Variants in RNF150 observed in about 807,000 individuals in gnomAD.
The protein encoded by RNF150 is ring finger protein 150.
In RNF150, 24 loss-of-function variants were observed where a neutral mutation model predicts 39.3. The ratio of observed to expected loss-of-function variants is 0.61; its 90% confidence interval spans 0.44 to 0.86. The LOEUF is 0.86. Among genes scored for constraint, RNF150 ranks in the 40% least tolerant of loss-of-function variants. The probability of loss-of-function intolerance (pLI) is 0.00; values close to 1 mark genes in which losing one functional copy is unlikely to be tolerated. For missense variants in RNF150, 502 were observed against 587.8 expected, an observed-to-expected ratio of 0.85 and a Z score of 1.51; for synonymous variants, 255 against 227.3, an observed-to-expected ratio of 1.12 and a Z score of -1.10.
At chr4:140,957,197 G>A (rs201221325) in intron 2 of RNF150, among the ~76,000 whole-genome samples, 19 of 152,072 alleles carry the variant, frequency 1.2e-4, no homozygotes, top group African/African-American at 3.4e-4. Context: ...ATGAACTCAA[G>A]CAAATTTACA....
intron 1 of RNF150, among the ~76,000 whole-genome samples, chr4:141,161,018 T>C (rs1460275867): frequency 6.6e-6 from 1 of 152,060 alleles, no homozygotes; most frequent in African/African-American, 2.4e-5. Context: ...AACTTTGAAA[T>C]TGAGTAATGA....
chr4:141,096,190 C>CTTTTTTTTTTTTTTTTTTTT, intron 1 of RNF150, among the ~76,000 whole-genome samples: 1 of 67,970 alleles, frequency 1.5e-5, no homozygotes, highest in Non-Finnish European at 2.5e-5. Flanking sequence ...TTTTAGCTTT[C>CTTTTTTTTTTTTTTTTTTTT]TTTTTTTTTT....
intron 1 of RNF150, among the ~76,000 whole-genome samples, chr4:141,204,080 G>T (rs1425601990): frequency 6.6e-6 from 1 of 152,020 alleles, no homozygotes; most frequent in Non-Finnish European, 1.5e-5. Context: ...GAAATTTCCT[G>T]GTTTTAAAGG....
At chr4:141,202,842 A>G (rs977451710) in intron 1 of RNF150, among the ~76,000 whole-genome samples, 2 of 151,900 alleles carry the variant, frequency 1.3e-5, no homozygotes, top group Non-Finnish European at 2.9e-5. Flanking sequence ...TTAACAAACA[A>G]TATTTTACTC....
intron 2 of RNF150, among the ~76,000 whole-genome samples, chr4:140,953,488 A>G (rs1578999056): frequency 6.6e-6 from 1 of 151,470 alleles, no homozygotes; most frequent in East Asian, 1.9e-4. Flanking sequence ...AGCTTCTGAG[A>G]TGTATATGAT....
intron 1 of RNF150, among the ~76,000 whole-genome samples, chr4:141,070,319 G>T (rs1737642089): frequency 6.6e-6 from 1 of 151,786 alleles, no homozygotes; most frequent in Non-Finnish European, 1.5e-5. Context: ...ACATAGGCAT[G>T]GGCAAGGACT....
intron 2 of RNF150, among the ~76,000 whole-genome samples, chr4:140,960,556 C>T (rs973205629): frequency 6.6e-6 from 1 of 152,158 alleles, no homozygotes; most frequent in Non-Finnish European, 1.5e-5. Context: ...CAGATTCCCT[C>T]ACTCCTACCC....
intron 4 of RNF150, among the ~76,000 whole-genome samples, chr4:140,944,335 C>T (rs184958689): frequency 6.6e-6 from 1 of 152,150 alleles, no homozygotes; most frequent in East Asian, 1.9e-4. Context: ...AAATCCAAAC[C>T]ACAGAAGTTA....
At chr4:141,007,745 A>C (rs186956070) in intron 1 of RNF150, among the ~76,000 whole-genome samples, 2 of 152,306 alleles carry the variant, frequency 1.3e-5, no homozygotes, top group African/African-American at 2.4e-5. Context: ...GTTGCTCTTC[A>C]TTATAATCTG....
At chr4:141,114,728 C>G (rs1048767588) in intron 1 of RNF150, among the ~76,000 whole-genome samples, 1 of 152,100 alleles carries the variant, frequency 6.6e-6, no homozygotes, top group Non-Finnish European at 1.5e-5. Flanking sequence ...GATGAACATC[C>G]ATGCAAAAAT....
At chr4:141,030,302 A>G (rs1030847880) in intron 1 of RNF150, among the ~76,000 whole-genome samples, 9 of 152,220 alleles carry the variant, frequency 5.9e-5, no homozygotes, top group Middle Eastern at 3.4e-3. Flanking sequence ...AACCCAGAAA[A>G]TAACAAATGT....
chr4:140,972,867 T>C (rs1427905024), intron 1 of RNF150, among the ~76,000 whole-genome samples: 1 of 152,130 alleles, frequency 6.6e-6, no homozygotes, highest in East Asian at 1.9e-4. Context: ...AAATATTCCA[T>C]TAAATGGGGG....
chr4:141,201,573 G>A (rs1728293142), intron 1 of RNF150, among the ~76,000 whole-genome samples: 1 of 151,944 alleles, frequency 6.6e-6, no homozygotes, highest in Admixed American at 6.6e-5. Context: ...TTTCTCTCTG[G>A]ATGTGCCACC....
At chr4:140,939,970 G>C (rs528961510) in intron 4 of RNF150, among the ~76,000 whole-genome samples, 4 of 152,130 alleles carry the variant, frequency 2.6e-5, no homozygotes, top group Non-Finnish European at 5.9e-5. Context: ...CCTGGACTTT[G>C]CAATAGTCTC....
intron 1 of RNF150, among the ~76,000 whole-genome samples, chr4:141,022,926 C>T (rs1048798754): frequency 6.6e-5 from 10 of 152,150 alleles, no homozygotes; most frequent in African/African-American, 2.4e-4. Context: ...TCTAAATTTG[C>T]CACTCTGCAG....
At chr4:140,882,524 G>A (rs539545979) in intron 6 of RNF150, among the ~76,000 whole-genome samples, 3 of 152,138 alleles carry the variant, frequency 2.0e-5, no homozygotes, top group African/African-American at 7.2e-5. Context: ...TGAAAATGGG[G>A]TATTGAAATC....
At chr4:140,876,783 A>G (rs895927603) in intron 6 of RNF150, among the ~76,000 whole-genome samples, 1 of 152,224 alleles carries the variant, frequency 6.6e-6, no homozygotes, top group Non-Finnish European at 1.5e-5. Flanking sequence ...TTTGGCTGCT[A>G]TGTTGCTCTT....
chr4:141,017,648 A>G (rs1735330912), intron 1 of RNF150, among the ~76,000 whole-genome samples: 1 of 152,146 alleles, frequency 6.6e-6, no homozygotes, highest in African/African-American at 2.4e-5. Flanking sequence ...CCCTCTATTT[A>G]TCCATCCTTT....
intron 1 of RNF150, among the ~76,000 whole-genome samples, chr4:141,125,052 C>G (rs1045798643): frequency 2.0e-5 from 3 of 152,118 alleles, no homozygotes; most frequent in Non-Finnish European, 4.4e-5. Flanking sequence ...GTGAAGACTA[C>G]TTATAGAAAG....
Sources: allele counts gnomAD v4.1 joint callset (sites outside exome capture counted in the v4.1 genomes callset), GRCh38; gene constraint gnomAD v4.1.1; transcripts MANE v1.5; gene names NCBI Gene and HGNC (gene_info 2026-07-23, HGNC 2026-07-21).